Variants in PDE4D observed in about 807,000 individuals in gnomAD.
The protein encoded by PDE4D is 3',5'-cyclic-AMP phosphodiesterase 4D.
Under a neutral mutation model 87.4 loss-of-function variants are expected in PDE4D, and 24 were observed. The observed-to-expected ratio is 0.27, with a 90% CI of 0.20 to 0.39. The LOEUF is 0.39. Ranked by LOEUF, PDE4D falls within the 10% of genes least tolerant of loss-of-function variation. The probability of loss-of-function intolerance (pLI) is 1.00; values close to 1 mark genes in which losing one functional copy is unlikely to be tolerated. For missense variants in PDE4D, 714 were observed against 1,041.0 expected (o/e 0.69, Z 4.32); for synonymous variants, 384 against 383.2 (o/e 1.00, Z -0.02).
intron 2 of PDE4D, among the ~76,000 whole-genome samples, chr5:60,077,314 C>G (rs1773406414): frequency 6.6e-6 from 1 of 152,154 alleles, no homozygotes; most frequent in Admixed American, 6.5e-5. Flanking sequence ...CATGCAAATA[C>G]ATGGTGGCAA....
intron 1 of PDE4D, among the ~76,000 whole-genome samples, chr5:59,725,365 A>G (rs1756450511): frequency 2.0e-5 from 3 of 152,114 alleles, no homozygotes; most frequent in Admixed American, 2.0e-4. Context: ...CCTAGGCATT[A>G]CACCCAAGAT....
intron 1 of PDE4D, among the ~76,000 whole-genome samples, chr5:60,374,480 C>T (rs1200365058): frequency 6.6e-6 from 1 of 152,194 alleles, no homozygotes; most frequent in Non-Finnish European, 1.5e-5. Flanking sequence ...CTCAGCAAAG[C>T]TCCGAAGAAT....
chr5:59,902,223 C>T (rs1181480085), intron 3 of PDE4D, among the ~76,000 whole-genome samples: 2 of 152,014 alleles, frequency 1.3e-5, no homozygotes, highest in African/African-American at 2.4e-5. Context: ...AGAAAACAAG[C>T]AAACAAAACA....
chr5:59,838,433 C>T (rs947661677), intron 1 of PDE4D, among the ~76,000 whole-genome samples: 3 of 152,044 alleles, frequency 2.0e-5, no homozygotes, highest in African/African-American at 7.2e-5. Context: ...TATAACTGCC[C>T]CTAAACCAAG....
chr5:60,354,916 A>G (rs777418181), intron 1 of PDE4D, among the ~76,000 whole-genome samples: 9 of 152,200 alleles, frequency 5.9e-5, no homozygotes, highest in Non-Finnish European at 1.3e-4. Flanking sequence ...CCACTCTCCA[A>G]TATAACCAAT....
intron 6 of PDE4D, among the ~76,000 whole-genome samples, chr5:59,004,822 C>T (rs2036220): frequency 0.54 from 81,869 of 152,026 alleles, 22,297 homozygotes; most frequent in Admixed American, 0.62. Flanking sequence ...TGGCCTCTGC[C>T]CACCAAGCAC....
chr5:60,247,501 T>C (rs997175194), intron 1 of PDE4D, among the ~76,000 whole-genome samples: 1 of 151,646 alleles, frequency 6.6e-6, no homozygotes, highest in Non-Finnish European at 1.5e-5. Context: ...ACAATTATAT[T>C]ATCCAAAGCT....
chr5:60,459,842 T>G, intron 1 of PDE4D: 1 of 589,576 alleles, frequency 1.7e-6, no homozygotes, highest in Non-Finnish European at 3.1e-6. Context: ...AACCTATCAG[T>G]GTTCTAGTAA....
chr5:59,228,658 G>A (rs1188533530), intron 1 of PDE4D, among the ~76,000 whole-genome samples: 2 of 152,082 alleles, frequency 1.3e-5, no homozygotes, highest in Non-Finnish European at 2.9e-5. Flanking sequence ...TAAAATGTAA[G>A]CCCATTCTCG....
intron 1 of PDE4D, among the ~76,000 whole-genome samples, chr5:59,280,719 G>T (rs528837944): frequency 6.6e-6 from 1 of 152,158 alleles, no homozygotes; most frequent in Non-Finnish European, 1.5e-5. Context: ...TCATACACAA[G>T]AATGAGACCC....
At chr5:59,479,236 G>A (rs1803825445) in intron 1 of PDE4D, among the ~76,000 whole-genome samples, 1 of 151,944 alleles carries the variant, frequency 6.6e-6, no homozygotes. Context: ...GAGTTTCCAG[G>A]ACTTTTGCAT....
intron 2 of PDE4D, among the ~76,000 whole-genome samples, chr5:60,096,332 T>A (rs1562087605): frequency 6.6e-6 from 1 of 152,036 alleles, no homozygotes; most frequent in Non-Finnish European, 1.5e-5. Flanking sequence ...ATTTAATAAA[T>A]GGTGTTGGGA....
chr5:59,264,263 C>T (rs1218455100), intron 1 of PDE4D, among the ~76,000 whole-genome samples: 1 of 152,010 alleles, frequency 6.6e-6, no homozygotes, highest in Non-Finnish European at 1.5e-5. Flanking sequence ...CAGGCAGCTA[C>T]TGCTATTCGT....
intron 1 of PDE4D, among the ~76,000 whole-genome samples, chr5:59,373,113 G>A (rs1784190248): frequency 6.6e-6 from 1 of 152,110 alleles, no homozygotes. Context: ...AACTCAAAAG[G>A]CCAGAGTGCC....
intron 1 of PDE4D, among the ~76,000 whole-genome samples, chr5:59,322,538 C>T (rs1056766547): frequency 2.3e-4 from 35 of 152,138 alleles, no homozygotes; most frequent in African/African-American, 8.4e-4. Flanking sequence ...TAGTTGGGAA[C>T]ACTGGTATTC....
At chr5:59,418,369 A>G (rs561961865) in intron 1 of PDE4D, among the ~76,000 whole-genome samples, 3 of 152,284 alleles carry the variant, frequency 2.0e-5, no homozygotes, top group African/African-American at 4.8e-5. Flanking sequence ...ATAAACGTTC[A>G]TGTATTTTCC....
intron 1 of PDE4D, among the ~76,000 whole-genome samples, chr5:59,346,470 T>C (rs1163453577): frequency 1.3e-5 from 2 of 151,884 alleles, no homozygotes; most frequent in African/African-American, 4.8e-5. Flanking sequence ...AAACAAACAA[T>C]AAGCCTTTTA....
chr5:59,651,258 C>CAACAACAATAAT (rs551682264), intron 1 of PDE4D, among the ~76,000 whole-genome samples: 4 of 142,258 alleles, frequency 2.8e-5, no homozygotes, highest in South Asian at 4.5e-4. Flanking sequence ...TCTGTCTCAA[C>CAACAACAATAAT]AATAATAATA....
At chr5:60,474,670 G>A (rs1458498801) in intron 1 of PDE4D, among the ~76,000 whole-genome samples, 4 of 152,170 alleles carry the variant, frequency 2.6e-5, no homozygotes. Flanking sequence ...TTCTGGCAAT[G>A]AGCTTCACTA....
Sources: gnomAD v4.1 joint callset for allele counts (sites outside exome capture counted in the v4.1 genomes callset) on GRCh38, gnomAD v4.1.1 for gene constraint, MANE v1.5 for transcripts, NCBI Gene and HGNC (gene_info 2026-07-23, HGNC 2026-07-21) for gene names.